The following VIPR2 variants were observed in gnomAD, a reference collection of about 807,000 sequenced individuals.
VIPR2 encodes the protein vasoactive intestinal polypeptide receptor 2.
A neutral mutation model predicts 58.0 loss-of-function variants in VIPR2; 48 were observed. The ratio of observed to expected loss-of-function variants is 0.83; its 90% CI spans 0.66 to 1.05. The LOEUF is 1.05. Among genes scored for constraint, VIPR2 ranks in the 50% least tolerant of loss-of-function variants. VIPR2 has a pLI of 0.00. For missense variants in VIPR2, 534 were observed against 558.0 expected, an observed-to-expected ratio of 0.96 and a Z score of 0.43; for synonymous variants, 243 against 235.2, an observed-to-expected ratio of 1.03 and a Z score of -0.30.
intron 2 of VIPR2, among the ~76,000 whole-genome samples, chr7:159,110,643 C>T (rs995059091): frequency 6.6e-6 from 1 of 152,052 alleles, no homozygotes; most frequent in Non-Finnish European, 1.5e-5. Context: ...TAAAATTTTA[C>T]CTTTTACTTA....
At chr7:159,060,860 T>C (rs747234543) in intron 4 of VIPR2, among the ~76,000 whole-genome samples, 1 of 152,208 alleles carries the variant, frequency 6.6e-6, no homozygotes, top group African/African-American at 2.4e-5. Context: ...TCAAAGAACT[T>C]AGAACTACCA....
intron 7 of VIPR2, 67 bp from the exon 8 acceptor site, chr7:159,036,079 C>A: frequency 6.5e-7 from 1 of 1,538,220 alleles, no homozygotes; most frequent in Middle Eastern, 2.1e-4. Flanking sequence ...TGGGTGCCTT[C>A]ACCAGCAAAA....
intron 6 of VIPR2, among the ~76,000 whole-genome samples, chr7:159,038,394 CG>C (rs1854107583): frequency 6.6e-6 from 1 of 152,138 alleles, no homozygotes; most frequent in South Asian, 2.1e-4. Flanking sequence ...TGCCTGCACG[CG>C]GATCTCGTGT....
chr7:159,064,438 C>T (rs1315744295), intron 4 of VIPR2, among the ~76,000 whole-genome samples: 1 of 152,096 alleles, frequency 6.6e-6, no homozygotes, highest in Non-Finnish European at 1.5e-5. Flanking sequence ...CCTGAGGCAG[C>T]AGTGTCCGGG....
At chr7:159,110,413 A>G (rs1389112692) in intron 2 of VIPR2, among the ~76,000 whole-genome samples, 1 of 152,260 alleles carries the variant, frequency 6.6e-6, no homozygotes, top group Non-Finnish European at 1.5e-5. Flanking sequence ...AATAATTTGC[A>G]TAATGCATAG....
chr7:159,096,348 C>A lies in VIPR2; in HGVS notation c.357+7409G>T, dbSNP rs1205079980. On this transcript the variant is annotated intron_variant, in intron 4 of 12. Transcript: ENST00000262178. The surrounding 1 kb of genome is among the most constrained non-coding windows in gnomAD (Gnocchi z 5.5). ...GTACCTCCCCTCCTCCGGCATCGGCCAGCTCCATGCCCAGAAGCGCCTGGC... is the reference window on the plus strand; with the variant it reads ...GTACCTCCCCTCCTCCGGCATCGGCAAGCTCCATGCCCAGAAGCGCCTGGC... 6.6e-6 allele frequency among the ~76,000 whole-genome samples: 1 copy of A among 152,228 alleles called. No individual in the cohort carries two copies. The highest frequency in any genetic ancestry group is 1.9e-4 in the East Asian group (1 of 5,188).
chr7:159,112,878 C>T (rs1796090591), intron 2 of VIPR2, among the ~76,000 whole-genome samples: 1 of 151,976 alleles, frequency 6.6e-6, no homozygotes, highest in African/African-American at 2.4e-5. Flanking sequence ...CTCACGGGAC[C>T]TACTTGGGAC....
At chr7:159,053,034 T>C (rs1855096518) in intron 5 of VIPR2, among the ~76,000 whole-genome samples, 1 of 152,148 alleles carries the variant, frequency 6.6e-6, no homozygotes, top group Non-Finnish European at 1.5e-5. Context: ...GAATTACACA[T>C]AGAAAAATCC....
intron 2 of VIPR2, among the ~76,000 whole-genome samples, chr7:159,118,337 T>C (rs756718750): frequency 2.0e-5 from 3 of 152,212 alleles, no homozygotes; most frequent in Non-Finnish European, 4.4e-5. Context: ...CTGGTTGTGA[T>C]GGAGTGTGCT....
chr7:159,030,601 C>G lies in VIPR2; in HGVS notation c.*15G>C. ...ACCGTGGGCCTCCCGCCGCGTCCGA[C>G]AGGCAGGGGTGGGGCTAGATGACCG... On this transcript the variant is annotated 3_prime_UTR_variant, in exon 13 of 13. Coordinates refer to ENST00000262178, the MANE Select transcript of VIPR2 (RefSeq NM_003382.5). 6.6e-7 allele frequency: 1 copy of G among 1,515,992 alleles called. No individual in the cohort carries two copies. The highest frequency in any genetic ancestry group is 8.9e-7 in the Non-Finnish European group (1 of 1,128,856). The allele number at this position is 1,515,992 out of a possible 1,614,324, so 93.9% of individuals were successfully genotyped here.
intron 4 of VIPR2, among the ~76,000 whole-genome samples, chr7:159,088,306 C>G (rs1447126683): frequency 6.6e-6 from 1 of 152,152 alleles, no homozygotes; most frequent in Admixed American, 6.6e-5. Flanking sequence ...CGCATACCCA[C>G]TGCAGCACAC....
chr7:159,039,957 G>A (rs1411867349), intron 6 of VIPR2, among the ~76,000 whole-genome samples: 3 of 152,202 alleles, frequency 2.0e-5, no homozygotes, highest in Non-Finnish European at 4.4e-5. Context: ...ACCGTGTGCC[G>A]CCTGAAAGCA....
chr7:159,034,551 A>G, intron 9 of VIPR2, 30 bp downstream of exon 9: 1 of 1,600,388 alleles, frequency 6.2e-7, no homozygotes, highest in East Asian at 2.2e-5. Flanking sequence ...GATTCCACAG[A>G]TAATCCACAT....
chr7:159,102,602 G>A (rs1585501014), intron 4 of VIPR2, among the ~76,000 whole-genome samples: 1 of 152,210 alleles, frequency 6.6e-6, no homozygotes, highest in Admixed American at 6.5e-5. Context: ...GAATCTTAGA[G>A]AAGTGAGCAA....
intron 3 of VIPR2, among the ~76,000 whole-genome samples, chr7:159,109,538 C>T (rs1427182423): frequency 2.0e-5 from 3 of 152,198 alleles, no homozygotes. Flanking sequence ...CCCTCTCATG[C>T]ACGTTTCCCG....
intron 4 of VIPR2, 49 bp downstream of exon 4, chr7:159,103,708 A>G (rs536772366): frequency 2.9e-6 from 4 of 1,389,342 alleles, no homozygotes; most frequent in Non-Finnish European, 4.1e-6. Context: ...CTTCTGGTGC[A>G]GTGTTAGGAA....
rs1189256534 is a variant in VIPR2 at position 159,097,186 on chromosome 7, G to T, written c.357+6571C>A. ...GTGATCTTTGTCACCAGGGATGGGA[G>T]CCCTGGGGAGTGAAGTTTGCCATCA... is the stretch of plus-strand genomic sequence containing the variant. On this transcript the variant is annotated intron_variant, in intron 4 of 12. Coordinates refer to ENST00000262178, the MANE Select transcript of VIPR2 (RefSeq NM_003382.5). This position sits in a 1 kb window ranked among gnomAD's most constrained non-coding sequence, Gnocchi z 5.3. 1.4e-6 allele frequency: 2 copies of T among 1,436,762 alleles called. No homozygotes were observed. The highest frequency in any genetic ancestry group is 5.0e-5 in the East Asian group (2 of 39,684). 89.0% of individuals were successfully genotyped at this position (1,436,762 alleles called of 1,614,324 possible).
Position 159,142,553 on chromosome 7 carries a change from C to G in VIPR2, c.52-8G>C, listed in dbSNP as rs779107027. 16 of 1,592,330 alleles carry G rather than the reference C, an allele frequency of 1.0e-5. No homozygotes were observed. The highest frequency in any genetic ancestry group is 1.3e-5 in the Non-Finnish European group (15 of 1,167,982). On this transcript the variant is annotated splice_region_variant and splice_polypyrimidine_tract_variant and intron_variant, in intron 1 of 12. Coordinates refer to ENST00000262178, the MANE Select transcript of VIPR2 (RefSeq NM_003382.5). ...TGGGTGAATGCTGTTCACCTGTTCACGGTTAAAAGAAATATTAATAACTAA... is the reference window on the plus strand; with the variant it reads ...TGGGTGAATGCTGTTCACCTGTTCAGGGTTAAAAGAAATATTAATAACTAA...
At chr7:159,108,358 G>A (rs1795854080) in intron 3 of VIPR2, among the ~76,000 whole-genome samples, 2 of 152,210 alleles carry the variant, frequency 1.3e-5, no homozygotes, top group Non-Finnish European at 2.9e-5. Context: ...TCCACAGTTT[G>A]TGCATGTCCT....
Sources: gnomAD v4.1 joint callset for allele counts (sites outside exome capture counted in the v4.1 genomes callset) on GRCh38, gnomAD v4.1.1 for gene constraint, Gnocchi (gnomAD v3.1) non-coding constraint, MANE v1.5 for transcripts, NCBI Gene and HGNC (gene_info 2026-07-23, HGNC 2026-07-21) for gene names.